Variants in TAF1 observed in about 807,000 individuals in gnomAD.
TAF1 encodes the protein transcription initiation factor TFIID subunit 1.
TAF1 carries 2 observed loss-of-function variants against 138.5 expected under a neutral mutation model. That is an observed-to-expected ratio of 0.01 (90% CI 0.01 to 0.05). The LOEUF is 0.05. TAF1 is among the 10% of genes least tolerant of loss of function. The pLI is 1.00. For missense variants in TAF1, 709 were observed against 1,478.0 expected (o/e 0.48, Z 8.53); for synonymous variants, 437 against 503.2 (o/e 0.87, Z 1.76).
intron 28 of TAF1, among the ~76,000 whole-genome samples, chrX:71,420,741 T>C (rs938015677): frequency 6.2e-5 from 7 of 112,931 alleles, no homozygotes; most frequent in Admixed American, 5.6e-4. Flanking sequence ...GAACCAGGCC[T>C]GGAGCTCCCG....
Position 71,450,427 on chromosome X carries a change from TTC to T in TAF1, c.4754-3741_4754-3740del, listed in dbSNP as rs762200647. ...CATGCTGGCCAGGCTGGTCTCAAACTTCTGGCCTCAAATGATCTCCCCACCTC... is the reference window on the plus strand; with the variant it reads ...CATGCTGGCCAGGCTGGTCTCAAACTTGGCCTCAAATGATCTCCCCACCTC... On this transcript the variant is annotated intron_variant, in intron 32 of 37. Transcript: ENST00000423759. 2.1e-4 allele frequency among the ~76,000 whole-genome samples: 24 copies of T among 112,075 alleles called. No individual in the cohort carries two copies. The East Asian group carries it at 6.8e-3, about 32-fold the overall frequency.
rs1358097273 is a variant in TAF1 at position 71,381,727 on chromosome X, C to T, written c.1361-16C>T. ...ATGTTTTCTCTGTTACTATTTCCTC[C>T]TTGCACTTTGACTAGGTTTTGCAGC... On this transcript the variant is annotated splice_polypyrimidine_tract_variant and intron_variant, in intron 8 of 37. Coordinates refer to ENST00000423759, the MANE Select transcript of TAF1 (RefSeq NM_004606.5). 2 of 1,204,292 alleles carry T rather than the reference C, an allele frequency of 1.7e-6. No individual in the cohort carries two copies. Among genetic ancestry groups the T allele is most frequent in the East Asian group, 3.0e-5 (1 of 33,617 alleles).
At chrX:71,500,496 A>AATG (rs2039479776) in intron 13 of TAF1, among the ~76,000 whole-genome samples, 1 of 108,091 alleles carries the variant, frequency 9.3e-6, no homozygotes, top group East Asian at 2.9e-4. Flanking sequence ...GAAAGAAAAA[A>AATG]CCACCCATGG....
At chrX:71,422,985 G>A in intron 29 of TAF1, 132 bp from the exon 30 acceptor site, 5 of 834,871 alleles carry the variant, frequency 6.0e-6, no homozygotes, top group Non-Finnish European at 6.7e-6. Flanking sequence ...CTTGTGATCC[G>A]CCCGCCTCAG....
intron 34 of TAF1, among the ~76,000 whole-genome samples, chrX:71,455,187 C>T (rs1267111861): frequency 9.0e-6 from 1 of 110,923 alleles, no homozygotes; most frequent in Non-Finnish European, 1.9e-5. Flanking sequence ...GACTCTAGAA[C>T]ATCCCTAGAG....
At chrX:71,500,889 C>G (rs1389094453) in intron 13 of TAF1, among the ~76,000 whole-genome samples, 2 of 108,769 alleles carry the variant, frequency 1.8e-5, no homozygotes, top group African/African-American at 6.7e-5. Flanking sequence ...ATGGTGAAAC[C>G]CTGTCTCTAC....
At chrX:71,419,118 C>T (rs921415275) in intron 28 of TAF1, among the ~76,000 whole-genome samples, 1 of 111,650 alleles carries the variant, frequency 9.0e-6, no homozygotes, top group African/African-American at 3.3e-5. Context: ...TATTAGAACA[C>T]CACAAACCGT....
chrX:71,383,844 T>TA, intron 12 of TAF1, 118 bp from the exon 13 acceptor site: 1 of 894,675 alleles, frequency 1.1e-6, no homozygotes, highest in South Asian at 2.9e-5. Flanking sequence ...AAAATTTTGA[T>TA]TATGAAATTG....
rs1215703917 is a variant in TAF1, at chrX:71,436,500, G to A, written c.4753+12262G>A. On this transcript the variant is annotated intron_variant, in intron 32 of 37. Coordinates refer to ENST00000423759, the MANE Select transcript of TAF1 (RefSeq NM_004606.5). Reference sequence around the variant, plus strand: ...AAAGTGTTTACAGGCATGAGCCACCGCGCCTGGCCTAATTTTTGTGTTTTT... The same window carrying A: ...AAAGTGTTTACAGGCATGAGCCACCACGCCTGGCCTAATTTTTGTGTTTTT... Among the ~76,000 whole-genome samples the A allele has an allele frequency of 2.2e-4, 24 of 109,056 alleles. 1 individual carries two copies. The highest frequency in any genetic ancestry group is 1.8e-3 in the Admixed American group (18 of 10,087). 94.7% of individuals were successfully genotyped at this position (109,056 alleles called of 115,157 possible). A position where few individuals can be genotyped will look rare whatever the true frequency, so the allele number is the denominator to read the frequency against.
downstream of TAF1, chrX:71,530,389 G>A (rs976369621): frequency 4.5e-5 from 5 of 110,828 alleles, no homozygotes; most frequent in African/African-American, 1.7e-4. Flanking sequence ...CAAGAATGAA[G>A]CCACGGACCT....
Position 71,384,018 on chromosome X carries a change from A to G in TAF1, c.2004A>G (p.Thr668=), listed in dbSNP as rs750096334. The change falls in exon 13 of 38, where the codon ACA becomes ACG. Residue 668 remains threonine, a synonymous_variant. Coordinates refer to ENST00000423759, the MANE Select transcript of TAF1 (RefSeq NM_004606.5). ...SGGGEMFFMR[T]PQDLTGKDGD... ...GTGGAGAGATGTTTTTTATGCGCAC[A>G]CCTCAGGACCTCACAGGCAAAGATG... 6.6e-6 allele frequency: 8 copies of G among 1,208,870 alleles called. No homozygotes were observed. In the East Asian group the frequency reaches 2.4e-4, roughly 36 times the overall value.
intron 18 of TAF1, among the ~76,000 whole-genome samples, chrX:71,390,769 GCAGATCACCTGAGGT>G (rs1458859558): frequency 8.9e-6 from 1 of 111,776 alleles, no homozygotes; most frequent in Admixed American, 9.6e-5. Flanking sequence ...GCCGAGGCGG[GCAGATCACCTGAGGT>G]CAGGAGTTCG....
rs770222557 is a variant in TAF1 at position 71,387,719 on chromosome X, A to AG, written c.2427+260dup. Among the ~76,000 whole-genome samples the AG allele has an allele frequency of 2.7e-5, 3 of 111,606 alleles. No individual in the cohort carries two copies. In the South Asian group the frequency reaches 1.1e-3, roughly 42 times the overall value. On this transcript the variant is annotated intron_variant, in intron 15 of 37. Coordinates refer to ENST00000423759, the MANE Select transcript of TAF1 (RefSeq NM_004606.5). ...AAGGCCGAGGTGGGCGGATCACCTG[A>AG]GGTTGGGAGTTTGAGACCAGCCTGA...
intron 22 of TAF1, 40 bp downstream of exon 22, chrX:71,394,285 G>T (rs1389990311): frequency 8.7e-7 from 1 of 1,149,226 alleles, no homozygotes; most frequent in Admixed American, 2.7e-5. Flanking sequence ...AAAAGAGAAG[G>T]GTTAAAAAAG....
intron 28 of TAF1, among the ~76,000 whole-genome samples, chrX:71,408,441 C>T (rs920909972): frequency 5.4e-5 from 6 of 110,427 alleles, no homozygotes; most frequent in African/African-American, 1.6e-4. Context: ...CTCAGCCTCC[C>T]GAGTAGCTGG....
chrX:71,443,760 C>T (rs1200513167), intron 32 of TAF1, among the ~76,000 whole-genome samples: 7 of 111,691 alleles, frequency 6.3e-5, no homozygotes, highest in African/African-American at 2.3e-4. Flanking sequence ...CACTGTCACC[C>T]AGGCTGAGCG....
At position 71,401,433 on chromosome X, in the gene TAF1, T is replaced by A. The variant is rs1365523868; in HGVS notation, c.3787-95T>A. On this transcript the variant is annotated intron_variant, in intron 24 of 37. Coordinates refer to ENST00000423759, the MANE Select transcript of TAF1 (RefSeq NM_004606.5). ...GGGGTCCTGGAACCAATCCCCTGCA[T>A]ATACTGAGGGATGACTTTATTTCTT... 5 of 1,049,525 alleles carry A rather than the reference T, an allele frequency of 4.8e-6. No homozygotes were observed. In the African/African-American group the frequency reaches 5.6e-5, roughly 12 times the overall value. The allele number at this position is 1,049,525 out of a possible 1,213,427, so 86.5% of individuals were successfully genotyped here.
At chrX:71,479,788 A>G (rs774423485) in intron 13 of TAF1, among the ~76,000 whole-genome samples, 351 of 111,525 alleles carry the variant, frequency 3.1e-3, no homozygotes, top group Non-Finnish European at 5.3e-3. Flanking sequence ...TGTCAGATAT[A>G]CTTTTGTATT....
intron 1 of TAF1, among the ~76,000 whole-genome samples, chrX:71,367,243 T>C (rs2032609835): frequency 9.1e-6 from 1 of 109,555 alleles, no homozygotes; most frequent in Non-Finnish European, 1.9e-5. Flanking sequence ...GCAGTAGTTA[T>C]TTGATTCGTC....
Sources: allele counts gnomAD v4.1 joint callset (sites outside exome capture counted in the v4.1 genomes callset), GRCh38; gene constraint gnomAD v4.1.1; transcripts MANE v1.5; gene names NCBI Gene and HGNC (gene_info 2026-07-23, HGNC 2026-07-21).